Variants in ADPRHL1 observed in about 807,000 individuals in gnomAD.
ADPRHL1 encodes the protein ADP-ribosylhydrolase like 1.
A neutral mutation model predicts 44.1 loss-of-function variants in ADPRHL1; 43 were observed. The ratio of observed to expected loss-of-function variants is 0.98; its 90% CI spans 0.76 to 1.26. ADPRHL1 has a LOEUF of 1.26. ADPRHL1 is among the 50% of genes most tolerant of loss of function. The pLI is 0.00. For synonymous variants in ADPRHL1, 878 were observed against 1,017.4 expected (o/e 0.86, Z 2.61); for missense variants, 2,022 against 2,496.9 (o/e 0.81, Z 4.05).
chr13:113,410,181 G>A (rs925040270), intron 7 of ADPRHL1: 271 of 958,272 alleles, frequency 2.8e-4, no homozygotes, highest in Non-Finnish European at 3.3e-4. Flanking sequence ...TGGAACACAG[G>A]ACTCCGCTTC....
At chr13:113,444,853 G>T (rs2044125610) in intron 1 of ADPRHL1, among the ~76,000 whole-genome samples, 1 of 152,126 alleles carries the variant, frequency 6.6e-6, no homozygotes, top group South Asian at 2.1e-4. Context: ...TCGATCTCCT[G>T]ACCTTGTGAT....
chr13:113,425,869 T>C (rs965122328), intron 4 of ADPRHL1, among the ~76,000 whole-genome samples: 7 of 151,618 alleles, frequency 4.6e-5, no homozygotes, highest in East Asian at 1.9e-4. Context: ...TTAGTAGAGA[T>C]GGGGTTTCAC....
chr13:113,430,502 C>T (rs2043999110), intron 3 of ADPRHL1, among the ~76,000 whole-genome samples: 1 of 152,106 alleles, frequency 6.6e-6, no homozygotes, highest in Non-Finnish European at 1.5e-5. Context: ...GTGACAGTAC[C>T]AGTAGCAGCA....
intron 7 of ADPRHL1, among the ~76,000 whole-genome samples, chr13:113,416,693 T>C (rs760995945): frequency 5.9e-5 from 9 of 152,164 alleles, no homozygotes; most frequent in Non-Finnish European, 1.2e-4. Context: ...AAAAACACAA[T>C]ATAGTATATT....
rs1470378247 is a variant in ADPRHL1 at position 113,407,225 on chromosome 13, G to A, written c.2057C>T (p.Ser686Leu). Residue 686 changes from serine to leucine, a missense_variant, in exon 8 of 8, where the codon TCG (serine) becomes TTG (leucine). Physicochemically the swap from Ser to Leu is moderately radical, Grantham distance 145. This residue lies in a region of ADPRHL1 where 1,221 missense variants were observed against 1,517.8 expected (regional missense o/e 0.80). Transcript: ENST00000612156. ...EEEPQRQPRPSKPVTPQVMAQ... is the reference protein window; with the variant it reads ...EEEPQRQPRPLKPVTPQVMAQ... Reference sequence around the variant, plus strand: ...CATCACCTGGGGTGTCACGGGCTTCGAGGGCCTTGGCTGTCTTTGGGGCTC... The same window carrying A: ...CATCACCTGGGGTGTCACGGGCTTCAAGGGCCTTGGCTGTCTTTGGGGCTC... 1.9e-5 allele frequency: 24 copies of A among 1,232,084 alleles called. No individual in the cohort carries two copies. Among genetic ancestry groups the A allele is most frequent in the South Asian group, 8.2e-5 (2 of 24,328 alleles). The allele number at this position is 1,232,084 out of a possible 1,614,324, so 76.3% of individuals were successfully genotyped here.
At chr13:113,434,755 T>C (rs78404348) in intron 2 of ADPRHL1, among the ~76,000 whole-genome samples, 1,247 of 24,692 alleles carry the variant, frequency 0.051, 71 homozygotes, top group African/African-American at 0.075. Context: ...AGGTGTACCC[T>C]GGGACCCAGC....
At chr13:113,445,559 G>C (rs1363445407) in intron 1 of ADPRHL1, among the ~76,000 whole-genome samples, 7 of 152,238 alleles carry the variant, frequency 4.6e-5, no homozygotes, top group Admixed American at 3.9e-4. Flanking sequence ...TCAGCCCCGG[G>C]AGACGCCACT....
At chr13:113,433,655 C>G (rs2044023178) in intron 3 of ADPRHL1, 87 bp downstream of exon 3, 2 of 1,457,566 alleles carry the variant, frequency 1.4e-6, no homozygotes, top group Admixed American at 2.3e-5. Flanking sequence ...CCCCCGCCCC[C>G]CACCCCACAC....
intron 4 of ADPRHL1, among the ~76,000 whole-genome samples, chr13:113,426,437 G>C (rs568352284): frequency 1.3e-5 from 2 of 152,378 alleles, no homozygotes; most frequent in Admixed American, 1.3e-4. Flanking sequence ...CACAGATCCT[G>C]TCTGCCTGGC....
At chr13:113,428,303 C>A (rs1471035442) in intron 4 of ADPRHL1, among the ~76,000 whole-genome samples, 1 of 151,426 alleles carries the variant, frequency 6.6e-6, no homozygotes, top group Non-Finnish European at 1.5e-5. Context: ...AATAAGCAAA[C>A]CTGATCCTAC....
chr13:113,417,683 C>T lies in ADPRHL1; in HGVS notation c.1061+5143G>A, dbSNP rs139273549. Among the ~76,000 whole-genome samples the T allele has an allele frequency of 2.0e-4, 23 of 115,590 alleles. No individual in the cohort carries two copies. In the East Asian group the frequency reaches 2.5e-3, roughly 13 times the overall value. 75.8% of individuals were successfully genotyped at this position (115,590 alleles called of 152,430 possible). A position where few individuals can be genotyped will look rare whatever the true frequency, so the allele number is the denominator to read the frequency against. On this transcript the variant is annotated intron_variant, in intron 7 of 7. Transcript: ENST00000612156. ...TTGAGACTCATGTGAATGCTTTTCC[C>T]GCAACAGGCTAAGTGAGCTGATAAC...
intron 6 of ADPRHL1, 21 bp downstream of exon 6, chr13:113,424,196 G>A (rs749725392): frequency 6.2e-6 from 10 of 1,611,988 alleles, no homozygotes; most frequent in East Asian, 2.2e-5. Context: ...AGGAAGCCAC[G>A]GCCATTAAGG....
intron 1 of ADPRHL1, among the ~76,000 whole-genome samples, chr13:113,447,162 C>G (rs1415294631): frequency 8.3e-6 from 1 of 120,410 alleles, no homozygotes; most frequent in Non-Finnish European, 1.6e-5. Flanking sequence ...CGTCTACACT[C>G]ACGGTGTTGT....
chr13:113,442,188 G>A (rs2044104167), intron 2 of ADPRHL1, among the ~76,000 whole-genome samples: 1 of 152,212 alleles, frequency 6.6e-6, no homozygotes, highest in African/African-American at 2.4e-5. Context: ...AGGCATGGTG[G>A]CTCACACCGT....
chr13:113,448,703 T>C (rs1214501036), intron 1 of ADPRHL1, among the ~76,000 whole-genome samples: 1 of 152,104 alleles, frequency 6.6e-6, no homozygotes, highest in Non-Finnish European at 1.5e-5. Flanking sequence ...GCCATCCTGC[T>C]GGGCCCTGAA....
intron 7 of ADPRHL1, among the ~76,000 whole-genome samples, chr13:113,417,522 C>T (rs541843141): frequency 1.1e-3 from 172 of 152,306 alleles, no homozygotes; most frequent in African/African-American, 3.9e-3. Context: ...CCAGATCAGG[C>T]GCGGTCCCTG....
Position 113,425,058 on chromosome 13 carries a change from C to T in ADPRHL1, c.768G>A (p.Arg256=). The stretch of plus-strand genomic sequence containing the variant: ...GTGCCAGGACAAGGCTTACCTTTTC[C>T]CTCTCTTCTGCATCATAATTGTCGG... ...IFPDNYDAEE[R]EKTYRKWSSE... is the part of the protein sequence containing the mutation. Residue 256 remains arginine (R), a synonymous_variant, in exon 5 of 8, where the codon AGG becomes AGA. Coordinates refer to ENST00000612156, the MANE Select transcript of ADPRHL1 (RefSeq NM_001394807.1). The T allele has an allele frequency of 2.5e-6, 4 of 1,613,500 alleles. No individual in the cohort carries two copies. The highest frequency in any genetic ancestry group is 3.4e-6 in the Non-Finnish European group (4 of 1,179,916).
chr13:113,432,511 T>C (rs72666949), intron 3 of ADPRHL1, among the ~76,000 whole-genome samples: 7,086 of 152,296 alleles, frequency 0.047, 228 homozygotes, highest in South Asian at 0.1. Context: ...ACTGCTCCCT[T>C]CTCAGCATCT....
chr13:113,429,169 G>A (rs2043989618), intron 3 of ADPRHL1, 77 bp from the exon 4 acceptor site: 17 of 1,539,080 alleles, frequency 1.1e-5, no homozygotes, highest in South Asian at 2.4e-5. Context: ...GCCACGCTGC[G>A]TGGGACTCCC....
Sources: allele counts gnomAD v4.1 joint callset (sites outside exome capture counted in the v4.1 genomes callset), GRCh38; gene constraint gnomAD v4.1.1; regional missense constraint gnomAD v4.1.1; transcripts MANE v1.5; gene names NCBI Gene and HGNC (gene_info 2026-07-23, HGNC 2026-07-21).